Variants in LTBP1 observed in about 807,000 individuals in gnomAD.
The protein encoded by LTBP1 is latent transforming growth factor beta binding protein 1, also known as latent-transforming growth factor beta-binding protein 1.
A neutral mutation model predicts 207.6 loss-of-function variants in LTBP1; 129 were observed. The observed-to-expected ratio is 0.62, with a 90% CI of 0.54 to 0.72. LTBP1 has a LOEUF of 0.72. Among genes scored for constraint, LTBP1 ranks in the 30% least tolerant of loss-of-function variants. LTBP1 has a pLI of 0.00. For missense variants in LTBP1, 2,281 were observed against 2,217.2 expected (o/e 1.03, Z -0.58); for synonymous variants, 963 against 833.7 (o/e 1.16, Z -2.67).
intron 4 of LTBP1, among the ~76,000 whole-genome samples, chr2:33,130,580 T>A (rs1364778933): frequency 6.6e-6 from 1 of 152,108 alleles, no homozygotes; most frequent in African/African-American, 2.4e-5. Flanking sequence ...GAAGCAGAAA[T>A]GAAAGCTTTT....
chr2:33,010,808 C>G (rs1687578524), intron 2 of LTBP1, among the ~76,000 whole-genome samples: 1 of 151,398 alleles, frequency 6.6e-6, no homozygotes, highest in Non-Finnish European at 1.5e-5. Flanking sequence ...CAACCTCTGC[C>G]TCCTGGGTTC....
chr2:33,393,994 T>G (rs2095338596), intron 32 of LTBP1, among the ~76,000 whole-genome samples: 1 of 150,636 alleles, frequency 6.6e-6, no homozygotes, highest in Non-Finnish European at 1.5e-5. Flanking sequence ...GTAATTGGTG[T>G]GAGATGGTAT....
At chr2:33,270,017 A>C (rs1392397053) in intron 15 of LTBP1, among the ~76,000 whole-genome samples, 1 of 149,654 alleles carries the variant, frequency 6.7e-6, no homozygotes, top group East Asian at 2.0e-4. Flanking sequence ...TCAGGGTTCA[A>C]GCGATTCTCC....
At chr2:33,171,880 A>G (rs966702174) in intron 5 of LTBP1, among the ~76,000 whole-genome samples, 1 of 152,220 alleles carries the variant, frequency 6.6e-6, no homozygotes. Context: ...AGAATTTTCA[A>G]CCCAGAATTT....
At chr2:33,016,748 G>A (rs1307909290) in intron 2 of LTBP1, among the ~76,000 whole-genome samples, 1 of 152,290 alleles carries the variant, frequency 6.6e-6, no homozygotes, top group African/African-American at 2.4e-5. Context: ...GCTGGCTGGG[G>A]GCAGTGGCTC....
At chr2:33,303,139 G>A (rs1377835767) in intron 22 of LTBP1, among the ~76,000 whole-genome samples, 1 of 152,044 alleles carries the variant, frequency 6.6e-6, no homozygotes, top group African/African-American at 2.4e-5. Flanking sequence ...ATCCCAAGGT[G>A]GGAGGGTTGG....
intron 5 of LTBP1, among the ~76,000 whole-genome samples, chr2:33,147,935 C>T (rs1342272093): frequency 1.3e-5 from 2 of 152,216 alleles, no homozygotes; most frequent in East Asian, 3.8e-4. Context: ...GACTTGGTTT[C>T]TGCAAGCACA....
At chr2:33,252,413 C>T (rs1301195440) in intron 10 of LTBP1, among the ~76,000 whole-genome samples, 1 of 152,202 alleles carries the variant, frequency 6.6e-6, no homozygotes, top group African/African-American at 2.4e-5. Context: ...ATTACGCACA[C>T]ATACCTAATT....
intron 2 of LTBP1, among the ~76,000 whole-genome samples, chr2:33,013,626 A>C (rs1444519042): frequency 6.6e-6 from 1 of 152,198 alleles, no homozygotes; most frequent in Non-Finnish European, 1.5e-5. Context: ...TAAGATCAGA[A>C]ACAATCCAGG....
chr2:33,164,493 G>T (rs975642398), intron 5 of LTBP1, among the ~76,000 whole-genome samples: 3 of 151,730 alleles, frequency 2.0e-5, no homozygotes, highest in African/African-American at 7.3e-5. Flanking sequence ...ATGTGTTTAG[G>T]ATGTGGGCCT....
chr2:33,266,262 C>T, intron 15 of LTBP1, among the ~76,000 whole-genome samples: 1 of 152,234 alleles, frequency 6.6e-6, no homozygotes, highest in East Asian at 1.9e-4. Flanking sequence ...GCCTTGGCCC[C>T]CTCTGGACAT....
At chr2:33,280,292 C>A (rs1281846827) in intron 19 of LTBP1, 134 bp downstream of exon 19, 2 of 890,440 alleles carry the variant, frequency 2.2e-6, no homozygotes, top group Non-Finnish European at 1.6e-6. Flanking sequence ...AGAAAAGTTC[C>A]CAGTAACTTT....
At chr2:33,217,289 T>C (rs2090785445) in intron 7 of LTBP1, among the ~76,000 whole-genome samples, 1 of 152,254 alleles carries the variant, frequency 6.6e-6, no homozygotes, top group Non-Finnish European at 1.5e-5. Context: ...ATTTAAGTTT[T>C]ATGAAGTACT....
intron 7 of LTBP1, among the ~76,000 whole-genome samples, 169 bp from the exon 8 acceptor site, chr2:33,217,383 T>G (rs1195499399): frequency 6.6e-6 from 1 of 152,232 alleles, no homozygotes; most frequent in Non-Finnish European, 1.5e-5. Flanking sequence ...TTGTGTTGTA[T>G]TGATTTCTGT....
At chr2:33,076,219 A>C (rs111330526) in intron 3 of LTBP1, among the ~76,000 whole-genome samples, 9 of 152,250 alleles carry the variant, frequency 5.9e-5, no homozygotes, top group African/African-American at 1.9e-4. Context: ...GGTTCATAGG[A>C]GGTTTAGTAT....
At chr2:33,295,481 C>T (rs917495120) in intron 20 of LTBP1, among the ~76,000 whole-genome samples, 7 of 151,992 alleles carry the variant, frequency 4.6e-5, no homozygotes, top group East Asian at 3.9e-4. Flanking sequence ...GAACTGAGAT[C>T]GTGCCACTGC....
chr2:33,393,396 CTCA>C (rs1214104588), intron 32 of LTBP1, among the ~76,000 whole-genome samples: 1 of 151,680 alleles, frequency 6.6e-6, no homozygotes, highest in Non-Finnish European at 1.5e-5. Context: ...CACCCATTAA[CTCA>C]TCATTTACAT....
At chr2:33,352,582 AC>A (rs1475399995) in intron 26 of LTBP1, among the ~76,000 whole-genome samples, 1 of 152,022 alleles carries the variant, frequency 6.6e-6, no homozygotes, top group African/African-American at 2.4e-5. Flanking sequence ...TGCGGATGCT[AC>A]TTCCCTGGGT....
chr2:33,006,968 T>C (rs1686989391), intron 2 of LTBP1, among the ~76,000 whole-genome samples: 1 of 152,226 alleles, frequency 6.6e-6, no homozygotes, highest in African/African-American at 2.4e-5. Flanking sequence ...CCTTTTGGCA[T>C]GTCAAAGTCT....
Sources: gnomAD v4.1 joint callset for allele counts (sites outside exome capture counted in the v4.1 genomes callset) on GRCh38, gnomAD v4.1.1 for gene constraint, MANE v1.5 for transcripts, NCBI Gene and HGNC (gene_info 2026-07-23, HGNC 2026-07-21) for gene names.